The following TRDN variants were observed in gnomAD, a reference collection of about 807,000 sequenced individuals.
TRDN encodes the protein triadin in skeletal muscle.
TRDN carries 161 observed loss-of-function variants against 149.7 expected under a neutral mutation model. The observed-to-expected ratio is 1.08, with a 90% CI of 0.95 to 1.23. TRDN has a LOEUF of 1.23. TRDN is among the 50% of genes most tolerant of loss of function. The probability of loss-of-function intolerance (pLI) is 0.00; values close to 1 mark genes in which losing one functional copy is unlikely to be tolerated. For missense variants in TRDN, 896 were observed against 823.5 expected (o/e 1.09, Z -1.08); for synonymous variants, 294 against 250.5 (o/e 1.17, Z -1.64).
chr6:123,266,672 T>TA (rs1777006645), intron 32 of TRDN, among the ~76,000 whole-genome samples: 3 of 32 alleles, frequency 0.094, 1 homozygote, highest in Non-Finnish European at 0.11. Flanking sequence ...TATGTATATA[T>TA]TATAATATAT....
chr6:123,334,074 T>A (rs559930066), intron 22 of TRDN, among the ~76,000 whole-genome samples: 194 of 152,166 alleles, frequency 1.3e-3, no homozygotes, highest in African/African-American at 4.4e-3. Context: ...TTAGTATCCA[T>A]GATGAAGTAC....
intron 4 of TRDN, among the ~76,000 whole-genome samples, chr6:123,541,751 A>C (rs1010095755): frequency 6.6e-6 from 1 of 152,162 alleles, no homozygotes; most frequent in Admixed American, 6.5e-5. Context: ...GAGGCTATGA[A>C]TTTTAACAAG....
chr6:123,594,227 TC>T (rs1783922792), intron 1 of TRDN, among the ~76,000 whole-genome samples: 1 of 152,188 alleles, frequency 6.6e-6, no homozygotes, highest in Admixed American at 6.5e-5. Context: ...ATTCATTTTT[TC>T]AATAAATTGA....
rs1050507459 is a variant in TRDN, at chr6:123,558,182, T to G, written c.233-9570A>C. Among the ~76,000 whole-genome samples the G allele has an allele frequency of 2.6e-5, 4 of 152,024 alleles. No individual in the cohort carries two copies. In the South Asian group the frequency reaches 8.3e-4, roughly 32 times the overall value. Reference sequence around the variant, plus strand: ...ATGCAGCTTGTCCCAAACTTCCTTCTTTCCCTCCCGCCTGTCCCCTCAGTC... The same window carrying G: ...ATGCAGCTTGTCCCAAACTTCCTTCGTTCCCTCCCGCCTGTCCCCTCAGTC... On this transcript the variant is annotated intron_variant, in intron 2 of 40. Transcript: ENST00000334268.
At chr6:123,379,790 CTCTT>C (rs1350852401) in intron 16 of TRDN, among the ~76,000 whole-genome samples, 1 of 152,032 alleles carries the variant, frequency 6.6e-6, no homozygotes, top group Non-Finnish European at 1.5e-5. Flanking sequence ...TTTTTGAGGT[CTCTT>C]TCTTTTACTT....
Position 123,393,691 on chromosome 6 carries a change from A to C in TRDN, c.1052-14T>G. 1 of 1,597,990 alleles carries C rather than the reference A, an allele frequency of 6.3e-7. No homozygotes were observed. Among genetic ancestry groups the C allele is most frequent in the Admixed American group, 1.7e-5 (1 of 58,214 alleles). On this transcript the variant is annotated splice_polypyrimidine_tract_variant and intron_variant, in intron 12 of 40. Coordinates refer to ENST00000334268, the MANE Select transcript of TRDN (RefSeq NM_006073.4). ...CTTTTCCCGGCTCTTGGAATGAAAA[A>C]AACATAAATTACCATGAAGTATGAT...
chr6:123,457,798 T>C (rs190525680), intron 10 of TRDN, among the ~76,000 whole-genome samples: 1 of 152,324 alleles, frequency 6.6e-6, no homozygotes, highest in African/African-American at 2.4e-5. Flanking sequence ...AAAATATGTT[T>C]AAATCTTTAT....
At chr6:123,263,028 G>T (rs184257339) in intron 33 of TRDN, among the ~76,000 whole-genome samples, 1 of 152,130 alleles carries the variant, frequency 6.6e-6, no homozygotes, top group East Asian at 1.9e-4. Flanking sequence ...CCAAAAACTA[G>T]AAATGATTAA....
chr6:123,636,391 T>A (rs1474427069), intron 1 of TRDN, among the ~76,000 whole-genome samples: 2 of 151,978 alleles, frequency 1.3e-5, no homozygotes, highest in Non-Finnish European at 2.9e-5. Context: ...TATTTTAAGT[T>A]CATCATGGTC....
At chr6:123,491,533 A>G (rs1462508779) in intron 9 of TRDN, among the ~76,000 whole-genome samples, 4 of 152,196 alleles carry the variant, frequency 2.6e-5, no homozygotes, top group Non-Finnish European at 5.9e-5. Context: ...TATTAGAAAA[A>G]CTAAATAATT....
chr6:123,400,215 A>T (rs980052831), intron 12 of TRDN, among the ~76,000 whole-genome samples: 5 of 149,118 alleles, frequency 3.4e-5, no homozygotes, highest in African/African-American at 7.3e-5. Context: ...ATATACAAAC[A>T]TATAAAGGAA....
chr6:123,247,242 G>T (rs1185392297), intron 38 of TRDN, among the ~76,000 whole-genome samples: 2 of 152,208 alleles, frequency 1.3e-5, no homozygotes, highest in African/African-American at 4.8e-5. Flanking sequence ...AGTGTTGGAA[G>T]TTCTAACCAG....
chr6:123,584,019 C>T (rs982206101), intron 1 of TRDN: 4 of 160,264 alleles, frequency 2.5e-5, no homozygotes, highest in Non-Finnish European at 4.1e-5. Context: ...TGGTGTGTGG[C>T]GATTAGGCCT....
intron 9 of TRDN, among the ~76,000 whole-genome samples, chr6:123,479,695 A>G (rs1777658028): frequency 6.6e-6 from 1 of 152,198 alleles, no homozygotes; most frequent in Admixed American, 6.5e-5. Context: ...ATTTGCAGGC[A>G]TTTTCAAAAG....
intron 1 of TRDN, among the ~76,000 whole-genome samples, chr6:123,634,346 T>C (rs1443430359): frequency 6.6e-6 from 1 of 151,606 alleles, no homozygotes; most frequent in Non-Finnish European, 1.5e-5. Flanking sequence ...GATGCTGAGG[T>C]AGAAAGATTG....
intron 24 of TRDN, among the ~76,000 whole-genome samples, chr6:123,302,567 A>G (rs1778467331): frequency 6.6e-6 from 1 of 152,158 alleles, no homozygotes; most frequent in Admixed American, 6.6e-5. Flanking sequence ...GCATTGATAC[A>G]GTAACTTGGT....
chr6:123,596,483 C>G (rs1784043975), intron 1 of TRDN, among the ~76,000 whole-genome samples: 1 of 152,056 alleles, frequency 6.6e-6, no homozygotes, highest in Admixed American at 6.6e-5. Context: ...AACAAACTTT[C>G]AATGTGGATG....
At chr6:123,617,855 C>T (rs1210108705) in intron 1 of TRDN, among the ~76,000 whole-genome samples, 2 of 152,096 alleles carry the variant, frequency 1.3e-5, no homozygotes, top group Non-Finnish European at 2.9e-5. Flanking sequence ...TCTCCTGCCT[C>T]AGCCTCCAAG....
chr6:123,406,458 C>T (rs182972651), intron 12 of TRDN, among the ~76,000 whole-genome samples: 52 of 152,190 alleles, frequency 3.4e-4, no homozygotes, highest in African/African-American at 1.1e-3. Flanking sequence ...GTCAATATAA[C>T]AAGAATTACC....
Sources: allele counts gnomAD v4.1 joint callset (sites outside exome capture counted in the v4.1 genomes callset), GRCh38; gene constraint gnomAD v4.1.1; transcripts MANE v1.5; gene names NCBI Gene and HGNC (gene_info 2026-07-23, HGNC 2026-07-21).